Variants in CAMTA1 observed in about 807,000 individuals in gnomAD.
The protein encoded by CAMTA1 is calmodulin binding transcription activator 1.
In CAMTA1, 27 loss-of-function variants were observed where a neutral mutation model predicts 170.9. The observed-to-expected ratio is 0.16, with a 90% confidence interval of 0.12 to 0.22. The LOEUF (loss-of-function observed/expected upper bound fraction) is 0.22, where lower values mean the gene tolerates loss of function less well. Among genes scored for constraint, CAMTA1 ranks in the 10% least tolerant of loss-of-function variants. The pLI, the probability that CAMTA1 is intolerant of heterozygous loss-of-function variation, is 1.00. For missense variants in CAMTA1, 1,619 were observed against 2,217.2 expected (o/e 0.73, Z 5.42); for synonymous variants, 833 against 891.5 (o/e 0.93, Z 1.17).
intron 11 of CAMTA1, among the ~76,000 whole-genome samples, chr1:7,720,712 T>C (rs1174251109): frequency 6.6e-6 from 1 of 152,184 alleles, no homozygotes; most frequent in African/African-American, 2.4e-5. Context: ...AGAAACTCAG[T>C]GGCTATAGAA....
At position 7,092,839 on chromosome 1, in the gene CAMTA1, T is replaced by C. The variant is rs895227345; in HGVS notation, c.302+1468T>C. On this transcript the variant is annotated intron_variant, in intron 4 of 22. Coordinates refer to ENST00000303635, the MANE Select transcript of CAMTA1 (RefSeq NM_015215.4). The surrounding 1 kb of genome is among the most constrained non-coding windows in gnomAD (Gnocchi z 5.0). The stretch of plus-strand genomic sequence containing the variant: ...GAGGAAGCCCCCTCTGCCTGGGAAG[T>C]TGGCGTCTCCCAGAGGAGGGCAGAG... Among the ~76,000 whole-genome samples the C allele has an allele frequency of 7.2e-5, 11 of 152,210 alleles. No homozygotes were observed. The highest frequency in any genetic ancestry group is 2.7e-4 in the African/African-American group (11 of 41,444).
intron 5 of CAMTA1, among the ~76,000 whole-genome samples, chr1:7,276,303 A>ATTTTTTTTTTTTTTTTTTTTT (rs1180773965): frequency 2.1e-4 from 5 of 24,226 alleles, no homozygotes; most frequent in East Asian, 1.5e-3. Context: ...ATATATATAT[A>ATTTTTTTTTTTTTTTTTTTTT]TTTTTTTTTT....
At chr1:7,548,527 C>T (rs2094737741) in intron 6 of CAMTA1, among the ~76,000 whole-genome samples, 1 of 150,176 alleles carries the variant, frequency 6.7e-6, no homozygotes, top group South Asian at 2.1e-4. Flanking sequence ...GAGGGTGCCC[C>T]CTTAGGGGTG....
chr1:6,966,236 A>G (rs1302538715), intron 3 of CAMTA1, among the ~76,000 whole-genome samples: 2 of 152,204 alleles, frequency 1.3e-5, no homozygotes, highest in Non-Finnish European at 2.9e-5. Context: ...ATTCAATTCC[A>G]TGGCTTTTAG....
chr1:7,471,940 C>A (rs1439148216), intron 6 of CAMTA1, among the ~76,000 whole-genome samples: 3 of 152,242 alleles, frequency 2.0e-5, no homozygotes, highest in Non-Finnish European at 2.9e-5. Flanking sequence ...GACTTCCCTG[C>A]AGATTCTGTA....
At chr1:7,247,325 G>A (rs2149291471) in intron 4 of CAMTA1, among the ~76,000 whole-genome samples, 1 of 152,298 alleles carries the variant, frequency 6.6e-6, no homozygotes, top group Non-Finnish European at 1.5e-5. Flanking sequence ...TTCTGACTGT[G>A]TACATGACAG....
intron 3 of CAMTA1, among the ~76,000 whole-genome samples, chr1:7,017,811 G>A (rs1349264673): frequency 6.6e-6 from 1 of 152,134 alleles, no homozygotes; most frequent in African/African-American, 2.4e-5. Context: ...TCTCATACAC[G>A]GTTCACGTTG....
chr1:7,222,820 G>C (rs1028879656), intron 4 of CAMTA1, among the ~76,000 whole-genome samples: 4 of 152,218 alleles, frequency 2.6e-5, no homozygotes, highest in African/African-American at 9.6e-5. Context: ...GCTTCGCCGC[G>C]TGCCAGCTCT....
chr1:7,542,879 G>GTGTT (rs1459264062), intron 6 of CAMTA1, among the ~76,000 whole-genome samples: 11,345 of 138,046 alleles, frequency 0.082, 816 homozygotes, highest in African/African-American at 0.19. Flanking sequence ...GTGTGTGTGT[G>GTGTT]TTTGAGCCGG....
In CAMTA1 at chr1:6,948,258, G is replaced by C. The variant is rs1447116965; in HGVS notation, c.234+123048G>C. On this transcript the variant is annotated intron_variant, in intron 3 of 22. Transcript: ENST00000303635. ...TTGCTGCAATGCCTTTCCCCCAGCT[G>C]CCATCTTCATATATGGTAGGCATTT... Among the ~76,000 whole-genome samples, 9 of 152,292 alleles carry C rather than the reference G, an allele frequency of 5.9e-5. No individual in the cohort carries two copies. In the South Asian group the frequency reaches 1.9e-3, roughly 32 times the overall value.
At chr1:7,511,243 G>T (rs1253174307) in intron 6 of CAMTA1, among the ~76,000 whole-genome samples, 1 of 145,316 alleles carries the variant, frequency 6.9e-6, no homozygotes, top group African/African-American at 2.5e-5. Context: ...GGACACTTCA[G>T]ACTTCGAATC....
At chr1:7,149,988 G>GA (rs113215881) in intron 4 of CAMTA1, among the ~76,000 whole-genome samples, 8,194 of 152,238 alleles carry the variant, frequency 0.054, 511 homozygotes, top group African/African-American at 0.16. Context: ...TGCTGGGGAA[G>GA]GACTGCCCAG....
chr1:6,913,634 G>A (rs550026455), intron 3 of CAMTA1, among the ~76,000 whole-genome samples: 2 of 152,180 alleles, frequency 1.3e-5, no homozygotes, highest in Non-Finnish European at 2.9e-5. Context: ...TAGCTTTATG[G>A]ATGAGCGTTT....
chr1:7,418,143 G>A (rs562632064), intron 5 of CAMTA1, among the ~76,000 whole-genome samples: 39 of 151,872 alleles, frequency 2.6e-4, no homozygotes, highest in African/African-American at 8.7e-4. Context: ...TTTTCTCCCC[G>A]CTCTGGGATT....
chr1:7,306,185 A>G (rs1217155561), intron 5 of CAMTA1, among the ~76,000 whole-genome samples: 2 of 152,040 alleles, frequency 1.3e-5, no homozygotes, highest in African/African-American at 2.4e-5. Context: ...ATGTCTAGCA[A>G]ATATTTGCTT....
intron 5 of CAMTA1, among the ~76,000 whole-genome samples, chr1:7,370,914 CT>C (rs61387662): frequency 1.5e-4 from 16 of 109,980 alleles, no homozygotes; most frequent in African/African-American, 2.5e-4. Context: ...TTCTTTCTTT[CT>C]TTTTTTTTTT....
At chr1:7,202,911 A>G (rs995007387) in intron 4 of CAMTA1, among the ~76,000 whole-genome samples, 4 of 152,170 alleles carry the variant, frequency 2.6e-5, no homozygotes, top group Non-Finnish European at 5.9e-5. Context: ...TTCCAGTACA[A>G]TGTTGAATAG....
At chr1:7,331,238 A>AAAAAC (rs1222215016) in intron 5 of CAMTA1, among the ~76,000 whole-genome samples, 22 of 152,256 alleles carry the variant, frequency 1.4e-4, no homozygotes, top group Non-Finnish European at 2.1e-4. Context: ...GACTCCACCA[A>AAAAAC]AAAACAAAAC....
chr1:6,820,942 A>G (rs902685332), intron 2 of CAMTA1, among the ~76,000 whole-genome samples: 1 of 152,186 alleles, frequency 6.6e-6, no homozygotes, highest in Non-Finnish European at 1.5e-5. Flanking sequence ...GTTCCCTCAT[A>G]CATATTTTTA....
Sources: gnomAD v4.1 joint callset for allele counts (sites outside exome capture counted in the v4.1 genomes callset) on GRCh38, gnomAD v4.1.1 for gene constraint, Gnocchi (gnomAD v3.1) non-coding constraint, MANE v1.5 for transcripts, NCBI Gene and HGNC (gene_info 2026-07-23, HGNC 2026-07-21) for gene names.